Variants in SORCS2 observed in about 807,000 individuals in gnomAD.
The protein encoded by SORCS2 is sortilin related VPS10 domain containing receptor 2.
A neutral mutation model predicts 141.6 loss-of-function variants in SORCS2; 100 were observed. That is an observed-to-expected ratio of 0.71 (90% CI 0.60 to 0.83). The LOEUF is 0.83. Ranked by LOEUF, SORCS2 falls within the 40% of genes least tolerant of loss-of-function variation. The probability of loss-of-function intolerance (pLI) is 0.00; values close to 1 mark genes in which losing one functional copy is unlikely to be tolerated. For missense variants in SORCS2, 1,646 were observed against 1,560.2 expected, an observed-to-expected ratio of 1.05 and a Z score of -0.93; for synonymous variants, 789 against 676.9, an observed-to-expected ratio of 1.17 and a Z score of -2.57.
rs183223847 is a variant in SORCS2, at chr4:7,595,057, G to A, written c.649-43271G>A. 1.9e-3 allele frequency among the ~76,000 whole-genome samples: 293 copies of A among 152,226 alleles called. 3 individuals carry two copies. The highest frequency in any genetic ancestry group is 6.6e-3 in the African/African-American group (274 of 41,528). On this transcript the variant is annotated intron_variant, in intron 3 of 26. Transcript: ENST00000507866. ...GGCTCGGTCCCCCATGACTGTTCCCGCTGCAGATGCCAGTCACAAGTCCAG... is the reference window on the plus strand; with the variant it reads ...GGCTCGGTCCCCCATGACTGTTCCCACTGCAGATGCCAGTCACAAGTCCAG...
At chr4:7,381,471 G>A (rs918595517) in intron 1 of SORCS2, among the ~76,000 whole-genome samples, 2 of 152,186 alleles carry the variant, frequency 1.3e-5, no homozygotes, top group African/African-American at 4.8e-5. Context: ...CCCCTGAAAG[G>A]GTCCCTCCCT....
At chr4:7,403,995 ATATTTTTTTT>A (rs1724793900) in intron 2 of SORCS2, among the ~76,000 whole-genome samples, 4 of 9,558 alleles carry the variant, frequency 4.2e-4, no homozygotes, top group East Asian at 1.7e-3. Context: ...ATATATATAT[ATATTTTTTTT>A]TTTTTTTTAG....
At chr4:7,262,900 C>T (rs1714461553) in intron 1 of SORCS2, among the ~76,000 whole-genome samples, 1 of 152,222 alleles carries the variant, frequency 6.6e-6, no homozygotes. Context: ...AAAATCACCG[C>T]AGGGCTCAGA....
intron 4 of SORCS2, among the ~76,000 whole-genome samples, chr4:7,650,330 A>T (rs779144351): frequency 6.6e-6 from 1 of 152,198 alleles, no homozygotes; most frequent in Non-Finnish European, 1.5e-5. Context: ...GGATCCTGCT[A>T]TTACGGGTGT....
intron 2 of SORCS2, among the ~76,000 whole-genome samples, chr4:7,486,049 G>T (rs1309952758): frequency 1.3e-5 from 2 of 152,184 alleles, no homozygotes; most frequent in African/African-American, 4.8e-5. Flanking sequence ...GAAGCCCACG[G>T]ATGTCACCCA....
At chr4:7,728,573 C>G (rs4689844) in intron 22 of SORCS2, 111 bp downstream of exon 22, 4 of 686,028 alleles carry the variant, frequency 5.8e-6, no homozygotes, top group South Asian at 3.9e-5. Context: ...GCACTGCCCC[C>G]GCACACGATG....
chr4:7,395,150 G>A (rs1259653479), intron 1 of SORCS2, among the ~76,000 whole-genome samples: 6 of 140,190 alleles, frequency 4.3e-5, no homozygotes, highest in Admixed American at 3.5e-4. Context: ...GATGCACACT[G>A]TCCCATCTCG....
chr4:7,506,050 C>T (rs1732258942), intron 2 of SORCS2, among the ~76,000 whole-genome samples: 1 of 152,148 alleles, frequency 6.6e-6, no homozygotes, highest in South Asian at 2.1e-4. Context: ...CAGTCCCTCT[C>T]TCTATAGGGG....
chr4:7,716,370 C>T (rs886101188), intron 17 of SORCS2, among the ~76,000 whole-genome samples: 13 of 152,246 alleles, frequency 8.5e-5, no homozygotes, highest in Non-Finnish European at 1.9e-4. Context: ...CATTTATCCA[C>T]CCATCATCCA....
At chr4:7,315,798 A>G (rs1718512772) in intron 1 of SORCS2, among the ~76,000 whole-genome samples, 1 of 152,116 alleles carries the variant, frequency 6.6e-6, no homozygotes, top group African/African-American at 2.4e-5. Context: ...CTCCCCAGTG[A>G]CTAGCTGTGG....
At chr4:7,371,700 G>A (rs1560226785) in intron 1 of SORCS2, among the ~76,000 whole-genome samples, 2 of 152,168 alleles carry the variant, frequency 1.3e-5, no homozygotes, top group Admixed American at 6.5e-5. Flanking sequence ...CTGAGCTGCC[G>A]CATAGCCACC....
intron 5 of SORCS2, among the ~76,000 whole-genome samples, chr4:7,658,338 A>G (rs1721940605): frequency 6.6e-6 from 1 of 152,280 alleles, no homozygotes; most frequent in Middle Eastern, 3.4e-3. Flanking sequence ...TGGGTGAATG[A>G]ATGAGTGAGG....
intron 1 of SORCS2, among the ~76,000 whole-genome samples, chr4:7,263,383 C>G (rs2108827845): frequency 6.6e-6 from 1 of 152,286 alleles, no homozygotes; most frequent in Non-Finnish European, 1.5e-5. Flanking sequence ...GCAGGAAGGA[C>G]CTTGTCAAAG....
intron 1 of SORCS2, among the ~76,000 whole-genome samples, chr4:7,348,906 AC>A (rs1720785953): frequency 6.6e-6 from 1 of 152,100 alleles, no homozygotes; most frequent in Non-Finnish European, 1.5e-5. Flanking sequence ...TCGGAAAGCG[AC>A]CCATCATGTG....
chr4:7,567,654 C>G (rs1173520589), intron 3 of SORCS2, among the ~76,000 whole-genome samples: 2 of 152,136 alleles, frequency 1.3e-5, no homozygotes, highest in Non-Finnish European at 1.5e-5. Flanking sequence ...TAGAGTTTCT[C>G]TTTGGCGCCC....
chr4:7,351,737 T>C (rs1444630929), intron 1 of SORCS2, among the ~76,000 whole-genome samples: 1 of 150,984 alleles, frequency 6.6e-6, no homozygotes, highest in African/African-American at 2.4e-5. Context: ...TCCCATCTAT[T>C]CCTCTCTCTC....
intron 1 of SORCS2, among the ~76,000 whole-genome samples, chr4:7,316,365 G>A (rs1367547273): frequency 1.3e-5 from 2 of 152,212 alleles, no homozygotes; most frequent in Non-Finnish European, 2.9e-5. Context: ...CTGGGATATA[G>A]GAAGAAACAC....
chr4:7,608,646 C>T (rs926702076), intron 3 of SORCS2, among the ~76,000 whole-genome samples: 1 of 152,232 alleles, frequency 6.6e-6, no homozygotes. Context: ...AGGCAGCCAG[C>T]ACCTGGAGGT....
intron 1 of SORCS2, among the ~76,000 whole-genome samples, chr4:7,391,952 G>A (rs755451409): frequency 2.6e-5 from 4 of 152,196 alleles, no homozygotes; most frequent in African/African-American, 7.2e-5. Flanking sequence ...GTTGAAACTC[G>A]CAGAAGCTAG....
Sources: gnomAD v4.1 joint callset for allele counts (sites outside exome capture counted in the v4.1 genomes callset) on GRCh38, gnomAD v4.1.1 for gene constraint, MANE v1.5 for transcripts, NCBI Gene and HGNC (gene_info 2026-07-23, HGNC 2026-07-21) for gene names.